Variants in MALSU1 observed in about 807,000 individuals in gnomAD.
MALSU1 encodes the protein mitochondrial assembly of ribosomal large subunit 1, also known as mitochondrial assembly of ribosomal large subunit protein 1.
Under a neutral mutation model 22.1 loss-of-function variants are expected in MALSU1, and 22 were observed. The observed-to-expected ratio is 1.00, with a 90% CI of 0.71 to 1.42. MALSU1 has a LOEUF of 1.42. Among genes scored for constraint, MALSU1 ranks in the 40% most tolerant of loss-of-function variants. The probability of loss-of-function intolerance (pLI) is 0.00; values close to 1 mark genes in which losing one functional copy is unlikely to be tolerated. For missense variants in MALSU1, 379 were observed against 308.3 expected (o/e 1.23, Z -1.72); for synonymous variants, 153 against 118.5 (o/e 1.29, Z -1.89).
chr7:23,301,642 C>T (rs1030434335), intron 2 of MALSU1, among the ~76,000 whole-genome samples: 1 of 152,180 alleles, frequency 6.6e-6, no homozygotes, highest in Admixed American at 6.5e-5. Flanking sequence ...ATTACGGTAG[C>T]CACTAGCTAC....
In MALSU1 at chr7:23,306,970, A is replaced by G. The variant is rs1173466528; in HGVS notation, c.436-898A>G. Among the ~76,000 whole-genome samples the G allele has an allele frequency of 2.0e-5, 3 of 152,320 alleles. No homozygotes were observed. The East Asian group carries it at 5.8e-4, about 29-fold the overall frequency. ...TTGCATTCTTGTTTAAATATTTGGT[A>G]AAACTCATCAGGGAAGCCATCTGGT... On this transcript the variant is annotated intron_variant, in intron 2 of 3. Coordinates refer to ENST00000466681, the MANE Select transcript of MALSU1 (RefSeq NM_138446.2).
chr7:23,301,982 AG>A (rs1562655937), intron 2 of MALSU1, among the ~76,000 whole-genome samples: 1 of 151,954 alleles, frequency 6.6e-6, no homozygotes, highest in Non-Finnish European at 1.5e-5. Context: ...AAAAAAAAAA[AG>A]ATATAAATTC....
In MALSU1 at chr7:23,299,361, G is replaced by C. The variant is rs774453191; in HGVS notation, c.9G>C (p.Pro3=). The C allele has an allele frequency of 6.3e-7, 1 of 1,575,190 alleles. No homozygotes were observed. Among genetic ancestry groups the C allele is most frequent in the Non-Finnish European group, 8.6e-7 (1 of 1,165,486 alleles). Residue 3 remains proline, a synonymous_variant, in exon 1 of 4, where the codon CCG becomes CCC. Coordinates refer to ENST00000466681, the MANE Select transcript of MALSU1 (RefSeq NM_138446.2). The part of the protein sequence containing the change: MG[P]GGRVARLLAP... Reference sequence around the variant, plus strand: ...GACGCAAGGCTGCTGCTATGGGGCCGGGCGGCCGTGTGGCGCGGCTGCTCG... The same window carrying C: ...GACGCAAGGCTGCTGCTATGGGGCCCGGCGGCCGTGTGGCGCGGCTGCTCG...
rs1783820176 is a variant in MALSU1, at chr7:23,311,275, C to T, written c.*1732C>T. The stretch of plus-strand genomic sequence containing the variant: ...GTCTGAAGTGTAGTGGCAAACTAAG[C>T]ATCCTATAAGACAAGCTAAAGCTTG... On this transcript the variant is annotated 3_prime_UTR_variant, in exon 4 of 4. Coordinates refer to ENST00000466681, the MANE Select transcript of MALSU1 (RefSeq NM_138446.2). 6.6e-6 allele frequency: 1 copy of T among 152,524 alleles called. No homozygotes were observed. The highest frequency in any genetic ancestry group is 6.5e-5 in the Admixed American group (1 of 15,270). 9.4% of individuals were successfully genotyped at this position (152,524 alleles called of 1,614,324 possible). A position where few individuals can be genotyped will look rare whatever the true frequency, so the allele number is the denominator to read the frequency against.
At chr7:23,308,368 A>G (rs554213632) in intron 3 of MALSU1, among the ~76,000 whole-genome samples, 2 of 152,346 alleles carry the variant, frequency 1.3e-5, no homozygotes, top group South Asian at 4.1e-4. Context: ...GCAGAAGACT[A>G]GAATTTTGAA....
intron 3 of MALSU1, 159 bp downstream of exon 3, chr7:23,308,108 C>T: frequency 3.1e-6 from 2 of 639,650 alleles, no homozygotes; most frequent in South Asian, 1.9e-5. Context: ...AGTTATAATC[C>T]AGGTGGTCTT....
At chr7:23,299,724 C>T in intron 1 of MALSU1, 116 bp downstream of exon 1, 1 of 1,208,246 alleles carries the variant, frequency 8.3e-7, no homozygotes, top group Non-Finnish European at 1.1e-6. Context: ...CACAAAACTC[C>T]TGCACATCCA....
chr7:23,306,254 A>T (rs933763919), intron 2 of MALSU1, among the ~76,000 whole-genome samples: 1 of 152,144 alleles, frequency 6.6e-6, no homozygotes, highest in South Asian at 2.1e-4. Flanking sequence ...GAATTCTAAA[A>T]ACTTTGTTTC....
intron 2 of MALSU1, among the ~76,000 whole-genome samples, chr7:23,305,200 C>T (rs1202636150): frequency 6.6e-6 from 1 of 152,082 alleles, no homozygotes; most frequent in Non-Finnish European, 1.5e-5. Context: ...ATCATTTGAC[C>T]ATAGGCACAA....
rs1562659014 is a variant in MALSU1, at chr7:23,309,396, A to AATCT, written c.561_564dup (p.Glu189LeufsTer2). The AATCT allele has an allele frequency of 6.2e-7, 1 of 1,613,154 alleles. No individual in the cohort carries two copies. The highest frequency in any genetic ancestry group is 2.2e-5 in the East Asian group (1 of 44,850). The stretch of plus-strand genomic sequence containing the variant: ...ATTTGATGCTTCCAGAAACCAGAGA[A>AATCT]ATCTATGAATTAGAGAAATTATGGA... On this transcript the variant is annotated frameshift_variant, in exon 4 of 4. Coordinates refer to ENST00000466681, the MANE Select transcript of MALSU1 (RefSeq NM_138446.2). LOFTEE classifies it high-confidence loss of function.
chr7:23,301,222 A>G (rs1360425065), intron 2 of MALSU1: 3 of 439,976 alleles, frequency 6.8e-6, no homozygotes, highest in Non-Finnish European at 1.2e-5. Flanking sequence ...GAGTTAGGAT[A>G]TATCAAAATC....
In MALSU1 at chr7:23,309,517, A is replaced by G; in HGVS notation, c.679A>G (p.Thr227Ala). The G allele has an allele frequency of 6.2e-7, 1 of 1,603,502 alleles. No homozygotes were observed. The highest frequency in any genetic ancestry group is 8.5e-7 in the Non-Finnish European group (1 of 1,177,124). Residue 227 changes from threonine (T) to alanine (A), a missense_variant, in exon 4 of 4, where the codon ACT (threonine) becomes GCT (alanine). Transcript: ENST00000466681. ...LGIEDDTSSV[T>A]PVELKCE is the part of the protein sequence containing the mutation. ...AATAGAAGATGATACTTCATCTGTG[A>G]CTCCAGTGGAGTTAAAATGTGAATA... is the stretch of plus-strand genomic sequence containing the variant.
intron 2 of MALSU1, among the ~76,000 whole-genome samples, chr7:23,301,692 C>T (rs1017852386): frequency 1.6e-4 from 24 of 152,230 alleles, no homozygotes; most frequent in African/African-American, 4.8e-4. Flanking sequence ...TAAATTCAGC[C>T]GGGCGTGGTG....
At chr7:23,303,491 T>A (rs1783675548) in intron 2 of MALSU1, among the ~76,000 whole-genome samples, 1 of 152,150 alleles carries the variant, frequency 6.6e-6, no homozygotes, top group Non-Finnish European at 1.5e-5. Flanking sequence ...GGTATAAATA[T>A]GAGTATAGAA....
Position 23,311,121 on chromosome 7 carries a change from T to G in MALSU1, c.*1578T>G, listed in dbSNP as rs1461652406. The G allele has an allele frequency of 6.6e-6, 1 of 152,204 alleles. No individual in the cohort carries two copies. Among genetic ancestry groups the G allele is most frequent in the Non-Finnish European group, 1.5e-5 (1 of 68,040 alleles). 9.4% of individuals were successfully genotyped at this position (152,204 alleles called of 1,614,324 possible). ...TACTTAAGGTGGAGTCTAATTTTTT[T>G]TTTTTAATTTATCAGTGCTTAAAAA... On this transcript the variant is annotated 3_prime_UTR_variant, in exon 4 of 4. Transcript: ENST00000466681.
At chr7:23,303,725 C>T (rs1305945232) in intron 2 of MALSU1, among the ~76,000 whole-genome samples, 1 of 150,012 alleles carries the variant, frequency 6.7e-6, no homozygotes, top group African/African-American at 2.5e-5. Flanking sequence ...TGGAGGATTG[C>T]TTGAGCCCAG....
At position 23,311,506 on chromosome 7, in the gene MALSU1, A is replaced by C. The variant is rs1456775694; in HGVS notation, c.*1963A>C. ...ACCGTCAAAAACTTTCCCAACTATA[A>C]ATGAAAGAATAAATGGTAGTGCTGC... On this transcript the variant is annotated 3_prime_UTR_variant, in exon 4 of 4. Coordinates refer to ENST00000466681, the MANE Select transcript of MALSU1 (RefSeq NM_138446.2). 2 of 152,398 alleles carry C rather than the reference A, an allele frequency of 1.3e-5. No homozygotes were observed. The highest frequency in any genetic ancestry group is 3.9e-4 in the East Asian group (2 of 5,190). 9.4% of individuals were successfully genotyped at this position (152,398 alleles called of 1,614,324 possible).
intron 2 of MALSU1, among the ~76,000 whole-genome samples, chr7:23,301,669 A>G (rs1324659317): frequency 6.6e-6 from 1 of 152,218 alleles, no homozygotes; most frequent in East Asian, 1.9e-4. Context: ...CTATTTAATT[A>G]TAAATTAAAA....
chr7:23,301,323 C>G, intron 2 of MALSU1: 1 of 198,344 alleles, frequency 5.0e-6, no homozygotes, highest in Non-Finnish European at 1.0e-5. Context: ...TGCAATGGCG[C>G]GATCTCTGCT....
Sources: allele counts gnomAD v4.1 joint callset (sites outside exome capture counted in the v4.1 genomes callset), GRCh38; gene constraint gnomAD v4.1.1; transcripts MANE v1.5; gene names NCBI Gene and HGNC (gene_info 2026-07-23, HGNC 2026-07-21).